The following SANBR variants were observed in gnomAD, a reference collection of about 807,000 sequenced individuals.
The protein encoded by SANBR is SANT and BTB domain regulator of CSR.
Under a neutral mutation model 101.8 loss-of-function variants are expected in SANBR, and 77 were observed. The observed-to-expected ratio is 0.76, with a 90% confidence interval of 0.63 to 0.91. The LOEUF (loss-of-function observed/expected upper bound fraction) is 0.91, where lower values mean the gene tolerates loss of function less well. Ranked by LOEUF, SANBR falls within the 40% of genes least tolerant of loss-of-function variation. The pLI, the probability that SANBR is intolerant of heterozygous loss-of-function variation, is 0.00. For synonymous variants in SANBR, 279 were observed against 274.7 expected (o/e 1.02, Z -0.15); for missense variants, 875 against 853.0 (o/e 1.03, Z -0.32).
Position 61,122,537 on chromosome 2 carries a change from CAT to C in SANBR, c.*376_*377del. On this transcript the variant is annotated 3_prime_UTR_variant, in exon 22 of 22. Coordinates refer to ENST00000402291, the MANE Select transcript of SANBR (RefSeq NM_001129993.3). ...AGGGGAACACAACTGGTAGTGTTAC[CAT>C]GCATGGCACTGATTGTAGTATGTCT... is the stretch of plus-strand genomic sequence containing the variant. The C allele has an allele frequency of 1.0e-6, 1 of 1,003,816 alleles. No homozygotes were observed. The highest frequency in any genetic ancestry group is 1.2e-6 in the Non-Finnish European group (1 of 842,110). 62.2% of individuals were successfully genotyped at this position (1,003,816 alleles called of 1,614,324 possible).
At chr2:61,120,447 C>T (rs147710826) in intron 20 of SANBR, among the ~76,000 whole-genome samples, 2,086 of 152,298 alleles carry the variant, frequency 0.014, 22 homozygotes, top group Non-Finnish European at 0.021. Context: ...TTGCAGTGAG[C>T]CAAGATCGTG....
At chr2:61,076,515 C>G (rs1460018099) in intron 5 of SANBR, among the ~76,000 whole-genome samples, 1 of 148,008 alleles carries the variant, frequency 6.8e-6, no homozygotes, top group Non-Finnish European at 1.5e-5. Context: ...GTAGTCCCAG[C>G]TACTCAGGAG....
intron 20 of SANBR, among the ~76,000 whole-genome samples, chr2:61,120,890 T>C (rs1684303138): frequency 6.6e-6 from 1 of 152,124 alleles, no homozygotes; most frequent in African/African-American, 2.4e-5. Context: ...TTGCCAGAAA[T>C]TGGTAGTGGT....
intron 17 of SANBR, chr2:61,117,035 C>T (rs999109022): frequency 6.0e-6 from 2 of 331,450 alleles, no homozygotes; most frequent in South Asian, 3.2e-5. Context: ...CCAGCCTGGG[C>T]AACAGAGTGA....
chr2:61,115,931 G>T, intron 16 of SANBR, 48 bp from the exon 17 acceptor site: 1 of 1,199,038 alleles, frequency 8.3e-7, no homozygotes, highest in South Asian at 1.3e-5. Flanking sequence ...AAGTGGACTG[G>T]AAAAGTATAT....
At chr2:61,099,826 A>G (rs987391222) in intron 12 of SANBR, among the ~76,000 whole-genome samples, 1 of 152,178 alleles carries the variant, frequency 6.6e-6, no homozygotes. Flanking sequence ...TGAGGGAGTA[A>G]TATTAAAGAA....
intron 21 of SANBR, among the ~76,000 whole-genome samples, chr2:61,135,528 C>G (rs1049372510): frequency 6.6e-6 from 1 of 152,164 alleles, no homozygotes; most frequent in African/African-American, 2.4e-5. Context: ...GTTGTGCAGA[C>G]AGGTTGAAAA....
intron 20 of SANBR, among the ~76,000 whole-genome samples, chr2:61,131,360 A>G (rs1029709862): frequency 2.0e-5 from 3 of 152,266 alleles, no homozygotes; most frequent in Admixed American, 2.0e-4. Context: ...TTCAGGATAT[A>G]GGATCAATAT....
At chr2:61,074,048 G>C (rs1016532478) in intron 5 of SANBR, among the ~76,000 whole-genome samples, 1 of 152,042 alleles carries the variant, frequency 6.6e-6, no homozygotes, top group Non-Finnish European at 1.5e-5. Context: ...ACTTTGATGA[G>C]TTTTGAAAAA....
At chr2:61,109,130 A>G in intron 15 of SANBR, 67 bp from the exon 16 acceptor site, 1 of 770,686 alleles carries the variant, frequency 1.3e-6, no homozygotes, top group Non-Finnish European at 1.9e-6. Flanking sequence ...ATTTAGGTAA[A>G]TATGTTTGAA....
chr2:61,131,438 T>G (rs919141967), intron 20 of SANBR, among the ~76,000 whole-genome samples: 1 of 151,984 alleles, frequency 6.6e-6, no homozygotes, highest in Non-Finnish European at 1.5e-5. Flanking sequence ...AAAACAACTT[T>G]TAACATCAAA....
intron 14 of SANBR, 44 bp from the exon 15 acceptor site, chr2:61,108,273 C>G (rs763125928): frequency 1.5e-4 from 195 of 1,310,508 alleles, no homozygotes; most frequent in Non-Finnish European, 2.0e-4. Context: ...GAGCTGCAAT[C>G]TAGGTAAATG....
intron 8 of SANBR, among the ~76,000 whole-genome samples, chr2:61,087,217 T>G (rs1327153793): frequency 6.6e-6 from 1 of 152,086 alleles, no homozygotes; most frequent in East Asian, 1.9e-4. Flanking sequence ...TAGGCCTCGG[T>G]TGTTAAATTC....
intron 11 of SANBR, chr2:61,093,350 C>CT (rs966655891): frequency 1.3e-5 from 2 of 152,160 alleles, no homozygotes; most frequent in African/African-American, 4.8e-5. Context: ...AATCCCAGCA[C>CT]TTTGGGAGGT....
chr2:61,115,101 G>C (rs983682097), intron 16 of SANBR, among the ~76,000 whole-genome samples: 3 of 152,146 alleles, frequency 2.0e-5, no homozygotes, highest in African/African-American at 7.2e-5. Flanking sequence ...TTCTGAAAGA[G>C]TTTGTGTAGG....
In SANBR at chr2:61,122,395, A is replaced by G; in HGVS notation, c.*233A>G. The G allele has an allele frequency of 1.6e-6, 2 of 1,213,536 alleles. No individual in the cohort carries two copies. The highest frequency in any genetic ancestry group is 2.1e-6 in the Non-Finnish European group (2 of 971,290). 75.2% of individuals were successfully genotyped at this position (1,213,536 alleles called of 1,614,324 possible). On this transcript the variant is annotated 3_prime_UTR_variant, in exon 22 of 22. Coordinates refer to ENST00000402291, the MANE Select transcript of SANBR (RefSeq NM_001129993.3). ...CTTCTAATATCATTCTAGGCTATGT[A>G]GAAAGCAATTATTTACAAATTTGCA...
rs749001518 is a variant in SANBR, at chr2:61,071,660, C to G, written c.205C>G (p.Gln69Glu). Reference protein sequence around the residue: ...KSSGSSPVDNQYNSLMAAGES... With the variant: ...KSSGSSPVDNEYNSLMAAGES... The stretch of plus-strand genomic sequence containing the variant: ...CAGTGGAAGCTCGCCTGTTGACAAC[C>G]AGTATAATTCCCTAATGGCTGCTGG... The change falls in exon 4 of 22, where the codon CAG (glutamine) becomes GAG (glutamate). Residue 69 changes from glutamine (Q) to glutamate (E), a missense_variant. Coordinates refer to ENST00000402291, the MANE Select transcript of SANBR (RefSeq NM_001129993.3). 1.3e-6 allele frequency: 2 copies of G among 1,588,946 alleles called. No individual in the cohort carries two copies. Among genetic ancestry groups the G allele is most frequent in the Non-Finnish European group, 1.7e-6 (2 of 1,171,616 alleles).
intron 8 of SANBR, among the ~76,000 whole-genome samples, chr2:61,086,469 A>C (rs964827166): frequency 6.6e-6 from 1 of 152,164 alleles, no homozygotes; most frequent in Non-Finnish European, 1.5e-5. Context: ...AGGCTACCCA[A>C]TATTTAGAGA....
chr2:61,104,113 GAAAAC>G, intron 13 of SANBR, 115 bp downstream of exon 13: 1 of 875,052 alleles, frequency 1.1e-6, no homozygotes, highest in Non-Finnish European at 1.8e-6. Flanking sequence ...CATTATTTCA[GAAAAC>G]TTAACTGAAA....
Sources: gnomAD v4.1 joint callset for allele counts (sites outside exome capture counted in the v4.1 genomes callset) on GRCh38, gnomAD v4.1.1 for gene constraint, MANE v1.5 for transcripts, NCBI Gene and HGNC (gene_info 2026-07-23, HGNC 2026-07-21) for gene names.